The following FER variants were observed in gnomAD, a reference collection of about 807,000 sequenced individuals.
FER encodes FER tyrosine kinase.
Under a neutral mutation model 111.0 loss-of-function variants are expected in FER, and 63 were observed. The ratio of observed to expected loss-of-function variants is 0.57; its 90% CI spans 0.46 to 0.70. FER has a LOEUF of 0.70. Ranked by LOEUF, FER falls within the 30% of genes least tolerant of loss-of-function variation. The probability of loss-of-function intolerance (pLI) is 0.00; values close to 1 mark genes in which losing one functional copy is unlikely to be tolerated. For missense variants in FER, 914 were observed against 954.0 expected (o/e 0.96, Z 0.55); for synonymous variants, 327 against 313.9 (o/e 1.04, Z -0.44).
intron 5 of FER, among the ~76,000 whole-genome samples, chr5:108,862,820 C>G (rs989782587): frequency 1.3e-5 from 2 of 151,734 alleles, no homozygotes; most frequent in Non-Finnish European, 2.9e-5. Flanking sequence ...GAAACTTAAA[C>G]TAGCTTAAAA....
intron 13 of FER, among the ~76,000 whole-genome samples, chr5:109,028,586 C>G (rs1769117644): frequency 6.6e-6 from 1 of 152,134 alleles, no homozygotes; most frequent in African/African-American, 2.4e-5. Context: ...GTCAGAGTAG[C>G]CTGTCTCTCA....
At chr5:109,183,751 C>T (rs1237543470) in intron 18 of FER, among the ~76,000 whole-genome samples, 4 of 152,012 alleles carry the variant, frequency 2.6e-5, no homozygotes, top group Non-Finnish European at 4.4e-5. Context: ...GGCAACACAG[C>T]GAGACCCTGT....
intron 10 of FER, 71 bp downstream of exon 10, chr5:108,897,919 AT>A: frequency 7.6e-7 from 1 of 1,318,786 alleles, no homozygotes; most frequent in Non-Finnish European, 1.0e-6. Flanking sequence ...TACAAAAATT[AT>A]TTAAATTTGC....
chr5:108,986,610 G>A (rs1425665155), intron 13 of FER, among the ~76,000 whole-genome samples: 1 of 152,116 alleles, frequency 6.6e-6, no homozygotes, highest in African/African-American at 2.4e-5. Context: ...TCCATCTTGA[G>A]TTGATTTTGG....
intron 16 of FER, chr5:109,051,546 T>G: frequency 6.2e-7 from 1 of 1,611,452 alleles, no homozygotes; most frequent in Non-Finnish European, 8.5e-7. Context: ...TTTGCTCACT[T>G]GCTTGCTTGT....
chr5:109,073,597 T>A (rs1299978271), intron 16 of FER, among the ~76,000 whole-genome samples: 4 of 152,174 alleles, frequency 2.6e-5, no homozygotes, highest in Non-Finnish European at 4.4e-5. Flanking sequence ...GTTTGTGAAT[T>A]TAAGGAACTT....
At chr5:109,165,004 A>G (rs1309858832) in intron 17 of FER, among the ~76,000 whole-genome samples, 1 of 152,038 alleles carries the variant, frequency 6.6e-6, no homozygotes, top group African/African-American at 2.4e-5. Flanking sequence ...TAAGGAATAG[A>G]TCCTTGAGTA....
At chr5:108,954,005 G>T (rs1196500590) in intron 11 of FER, among the ~76,000 whole-genome samples, 2 of 152,060 alleles carry the variant, frequency 1.3e-5, no homozygotes, top group Non-Finnish European at 1.5e-5. Context: ...CTCTGACTTG[G>T]TGTTAGCATT....
At chr5:109,148,758 G>A (rs992596531) in intron 17 of FER, among the ~76,000 whole-genome samples, 3 of 152,056 alleles carry the variant, frequency 2.0e-5, no homozygotes, top group African/African-American at 7.2e-5. Context: ...GTCAAAATGG[G>A]GCTTTGGTAT....
intron 13 of FER, among the ~76,000 whole-genome samples, chr5:108,976,966 G>C (rs2149711760): frequency 6.6e-6 from 1 of 152,198 alleles, no homozygotes; most frequent in Middle Eastern, 3.4e-3. Flanking sequence ...CAAGGTTTAT[G>C]GTATTGCATA....
Position 109,194,238 on chromosome 5 carries a change from C to T in FER, c.*6663C>T, listed in dbSNP as rs1759579207. On this transcript the variant is annotated 3_prime_UTR_variant, in exon 20 of 20. Transcript: ENST00000281092. Reference sequence around the variant, plus strand: ...TACCTTTTGTTGTTTTCTTCACACTCCTCTTGGCAGCAAATGTCTGAAAGT... The same window carrying T: ...TACCTTTTGTTGTTTTCTTCACACTTCTCTTGGCAGCAAATGTCTGAAAGT... The T allele has an allele frequency of 6.6e-6, 1 of 152,188 alleles. No individual in the cohort carries two copies. The highest frequency in any genetic ancestry group is 1.5e-5 in the Non-Finnish European group (1 of 68,044). The allele number at this position is 152,188 out of a possible 1,614,324, so 9.4% of individuals were successfully genotyped here. A position where few individuals can be genotyped will look rare whatever the true frequency, so the allele number is the denominator to read the frequency against.
intron 16 of FER, among the ~76,000 whole-genome samples, chr5:109,068,918 G>T (rs539002521): frequency 6.6e-6 from 1 of 152,272 alleles, no homozygotes; most frequent in Admixed American, 6.5e-5. Context: ...CAGAATAAAT[G>T]ATATCCAACC....
intron 10 of FER, among the ~76,000 whole-genome samples, chr5:108,902,206 A>G (rs954875667): frequency 6.6e-6 from 1 of 152,198 alleles, no homozygotes; most frequent in East Asian, 1.9e-4. Context: ...ATAAGAATAC[A>G]CATCTTTAGA....
At chr5:109,080,500 T>C (rs911239995) in intron 16 of FER, among the ~76,000 whole-genome samples, 5 of 152,142 alleles carry the variant, frequency 3.3e-5, no homozygotes, top group African/African-American at 4.8e-5. Context: ...GATTTTCAGG[T>C]ATCGGTGAAA....
At chr5:109,119,258 T>C (rs1040921316) in intron 17 of FER, among the ~76,000 whole-genome samples, 5 of 152,124 alleles carry the variant, frequency 3.3e-5, no homozygotes, top group Non-Finnish European at 4.4e-5. Flanking sequence ...GCCTTCATTT[T>C]GTTATGTACC....
intron 10 of FER, among the ~76,000 whole-genome samples, chr5:108,931,320 TA>T (rs745683150): frequency 6.6e-6 from 1 of 152,210 alleles, no homozygotes; most frequent in Non-Finnish European, 1.5e-5. Context: ...TTTTTCCATG[TA>T]TTTTTTTTTC....
intron 17 of FER, among the ~76,000 whole-genome samples, chr5:109,101,986 G>C (rs764695677): frequency 1.3e-5 from 2 of 152,040 alleles, no homozygotes; most frequent in Non-Finnish European, 2.9e-5. Flanking sequence ...TAATTTGTCA[G>C]TTACCATGAC....
intron 3 of FER, among the ~76,000 whole-genome samples, chr5:108,806,995 C>T (rs1757276518): frequency 2.0e-5 from 3 of 152,196 alleles, no homozygotes; most frequent in South Asian, 2.1e-4. Flanking sequence ...CACCCAAAAT[C>T]TCATATTGAA....
intron 2 of FER, among the ~76,000 whole-genome samples, chr5:108,789,964 A>G (rs1204971332): frequency 1.3e-5 from 2 of 152,188 alleles, no homozygotes. Flanking sequence ...ATTTAGAAAC[A>G]GAAGTGATAT....
Sources: allele counts gnomAD v4.1 joint callset (sites outside exome capture counted in the v4.1 genomes callset), GRCh38; gene constraint gnomAD v4.1.1; transcripts MANE v1.5; gene names NCBI Gene and HGNC (gene_info 2026-07-23, HGNC 2026-07-21).